Variants in MYOZ3 observed in about 807,000 individuals in gnomAD.
The protein encoded by MYOZ3 is myozenin-3.
In MYOZ3, 19 loss-of-function variants were observed where a neutral mutation model predicts 26.5. The observed-to-expected ratio is 0.72, with a 90% CI of 0.50 to 1.05. The LOEUF (loss-of-function observed/expected upper bound fraction) is 1.05, where lower values mean the gene tolerates loss of function less well. Among genes scored for constraint, MYOZ3 ranks in the 50% least tolerant of loss-of-function variants. MYOZ3 has a pLI of 0.00. For missense variants in MYOZ3, 322 were observed against 337.1 expected, an observed-to-expected ratio of 0.96 and a Z score of 0.35; for synonymous variants, 135 against 138.8, an observed-to-expected ratio of 0.97 and a Z score of 0.19.
rs771588093 is a variant in MYOZ3, at chr5:150,670,614, C to T, written c.192C>T (p.Phe64=). The T allele has an allele frequency of 4.0e-5, 65 of 1,610,260 alleles. No homozygotes were observed. Among genetic ancestry groups the T allele is most frequent in the Non-Finnish European group, 5.3e-5 (62 of 1,177,240 alleles). Residue 64 remains phenylalanine (F), a synonymous_variant, in exon 3 of 7, where the codon TTC becomes TTT. Coordinates refer to ENST00000517768, the MANE Select transcript of MYOZ3 (RefSeq NM_001122853.3). The part of the protein sequence containing the change: ...KRQRRVQKFT[F]ELAASQRAML... ...AGCGCCGTGTGCAGAAGTTCACTTT[C>T]GAGTTAGCAGCCAGCCAGCGGGCGG...
In MYOZ3 at chr5:150,672,380, C is replaced by A; in HGVS notation, c.465C>A (p.Phe155Leu). The change falls in exon 6 of 7, where the codon TTC becomes TTA. Residue 155 changes from phenylalanine (F) to leucine (L), a missense_variant. Physicochemically the swap from Phe to Leu is conservative, Grantham distance 22. Transcript: ENST00000517768. ...TGAAGGGCGTCCCGCCAGAGAAGTT[C>A]AACCACACCGCCATCTCCAAGGGCT... ...EPLKGVPPEK[F>L]NHTAISKGYR... 6.2e-7 allele frequency: 1 copy of A among 1,612,802 alleles called. No homozygotes were observed. Among genetic ancestry groups the A allele is most frequent in the Non-Finnish European group, 8.5e-7 (1 of 1,179,600 alleles).
intron 2 of MYOZ3, 110 bp from the exon 3 acceptor site, chr5:150,670,374 C>T: frequency 8.0e-7 from 1 of 1,251,176 alleles, no homozygotes; most frequent in Non-Finnish European, 1.0e-6. Flanking sequence ...TGTCGGCAAG[C>T]TTGGTGAGAA....
intron 2 of MYOZ3, among the ~76,000 whole-genome samples, chr5:150,668,560 T>A (rs1758843587): frequency 6.6e-6 from 1 of 152,210 alleles, no homozygotes; most frequent in Non-Finnish European, 1.5e-5. Flanking sequence ...TTCTTTATGA[T>A]CTCATCCAGC....
At chr5:150,665,865 A>G (rs562493315) in intron 2 of MYOZ3, among the ~76,000 whole-genome samples, 120 of 152,082 alleles carry the variant, frequency 7.9e-4, no homozygotes, top group Middle Eastern at 3.4e-3. Context: ...GAGAAACCCC[A>G]TCTCTACTAT....
Position 150,677,081 on chromosome 5 carries a change from T to C in MYOZ3, c.*206T>C. Reference sequence around the variant, plus strand: ...GGATGTTGTTCCAAATCCAGACAACTGGACTGTCCCAGACTTGCAGCATCA... The same window carrying C: ...GGATGTTGTTCCAAATCCAGACAACCGGACTGTCCCAGACTTGCAGCATCA... On this transcript the variant is annotated 3_prime_UTR_variant, in exon 7 of 7. Coordinates refer to ENST00000517768, the MANE Select transcript of MYOZ3 (RefSeq NM_001122853.3). The C allele has an allele frequency of 1.8e-6, 1 of 563,360 alleles. No individual in the cohort carries two copies. The highest frequency in any genetic ancestry group is 3.2e-6 in the Non-Finnish European group (1 of 316,962). 34.9% of individuals were successfully genotyped at this position (563,360 alleles called of 1,614,324 possible). A position where few individuals can be genotyped will look rare whatever the true frequency, so the allele number is the denominator to read the frequency against.
intron 2 of MYOZ3, among the ~76,000 whole-genome samples, chr5:150,666,384 C>T (rs1388900261): frequency 7.9e-5 from 12 of 152,010 alleles, no homozygotes; most frequent in Admixed American, 6.6e-4. Context: ...GAGGCTGAGG[C>T]GGGCAGATCA....
At chr5:150,666,940 G>A (rs1758820437) in intron 2 of MYOZ3, among the ~76,000 whole-genome samples, 1 of 151,932 alleles carries the variant, frequency 6.6e-6, no homozygotes, top group African/African-American at 2.4e-5. Context: ...TGTATTCTTA[G>A]TAGAGAAGGG....
At chr5:150,675,385 G>A (rs549250789) in intron 6 of MYOZ3, among the ~76,000 whole-genome samples, 2 of 150,700 alleles carry the variant, frequency 1.3e-5, no homozygotes, top group South Asian at 2.1e-4. Flanking sequence ...TTTTTTTCGC[G>A]GGGTGGAGCA....
intron 2 of MYOZ3, among the ~76,000 whole-genome samples, chr5:150,669,318 C>T (rs936459757): frequency 2.0e-5 from 3 of 151,682 alleles, no homozygotes; most frequent in African/African-American, 4.8e-5. Context: ...CGTGGTGGTG[C>T]GCACCTGTAA....
chr5:150,666,867 C>G (rs1307563223), intron 2 of MYOZ3, among the ~76,000 whole-genome samples: 1 of 151,690 alleles, frequency 6.6e-6, no homozygotes, highest in African/African-American at 2.4e-5. Flanking sequence ...TCAAGTGATT[C>G]TTGTGCCTCA....
Position 150,671,897 on chromosome 5 carries a change from C to A in MYOZ3, c.413C>A (p.Ala138Asp). 1 of 1,553,328 alleles carries A rather than the reference C, an allele frequency of 6.4e-7. No homozygotes were observed. The highest frequency in any genetic ancestry group is 8.7e-7 in the Non-Finnish European group (1 of 1,155,604). The change falls in exon 5 of 7, where the codon GCC (alanine) becomes GAC (aspartate). Residue 138 changes from alanine (A) to aspartate (D), a missense_variant. Ala to Asp is a moderately radical substitution (Grantham distance 126). Coordinates refer to ENST00000517768, the MANE Select transcript of MYOZ3 (RefSeq NM_001122853.3). The stretch of plus-strand genomic sequence containing the variant: ...GCTGGGTGCGTCCCCAGCCCCAGCG[C>A]CCTGGCGCCAGGTGAGTGGCCTCCT... The part of the protein sequence containing the change: ...APAGCVPSPS[A>D]LAPGYAEPLK...
Position 150,671,850 on chromosome 5 carries a change from C to T in MYOZ3, c.366C>T (p.Gly122=), listed in dbSNP as rs1260024846. The part of the protein sequence containing the change: ...SPGASLGGPE[G]AHPAAAPAGC... ...GGGCCTCACTCGGGGGTCCCGAGGG[C>T]GCCCACCCTGCAGCCGCCCCTGCTG... Residue 122 remains glycine (G), a synonymous_variant, in exon 5 of 7, where the codon GGC becomes GGT. Coordinates refer to ENST00000517768, the MANE Select transcript of MYOZ3 (RefSeq NM_001122853.3). The T allele has an allele frequency of 2.5e-6, 4 of 1,605,024 alleles. No individual in the cohort carries two copies. The East Asian group carries it at 9.0e-5, about 36-fold the overall frequency.
intron 1 of MYOZ3, among the ~76,000 whole-genome samples, chr5:150,662,117 A>G (rs896523312): frequency 2.0e-5 from 3 of 152,172 alleles, no homozygotes; most frequent in Admixed American, 1.3e-4. Flanking sequence ...TTCTAAAGGA[A>G]GGAGTATAGG....
chr5:150,671,744 CCT>C lies in MYOZ3; in HGVS notation c.271-10_271-9del, dbSNP rs1561670957. On this transcript the variant is annotated splice_polypyrimidine_tract_variant and intron_variant, in intron 4 of 6. Transcript: ENST00000517768. ...CGTCGGTGGCCTCTGAGAACCCGCC[CCT>C]GTGCCCAGGTTGCCAATGCCAATGG... 3 of 1,613,324 alleles carry C rather than the reference CCT, an allele frequency of 1.9e-6. No homozygotes were observed. The highest frequency in any genetic ancestry group is 2.5e-6 in the Non-Finnish European group (3 of 1,179,950).
intron 6 of MYOZ3, chr5:150,672,861 G>T: frequency 4.1e-6 from 1 of 243,008 alleles, no homozygotes; most frequent in Non-Finnish European, 7.9e-6. Flanking sequence ...TTCAGGTCTG[G>T]GTTTGTCTGA....
chr5:150,676,754 G>T lies in MYOZ3; in HGVS notation c.635G>T (p.Arg212Met). 1 of 1,614,048 alleles carries T rather than the reference G, an allele frequency of 6.2e-7. No homozygotes were observed. The highest frequency in any genetic ancestry group is 1.1e-5 in the South Asian group (1 of 91,078). Residue 212 changes from arginine (R) to methionine (M), a missense_variant, in exon 7 of 7, where the codon AGG becomes ATG. Coordinates refer to ENST00000517768, the MANE Select transcript of MYOZ3 (RefSeq NM_001122853.3). Reference protein sequence around the residue: ...GGPLVGGTFPRPGTPFIPEPL... With the variant: ...GGPLVGGTFPMPGTPFIPEPL... ...CCCCTCGTGGGGGGCACTTTTCCCA[G>T]GCCAGGCACCCCCTTCATCCCGGAG...
chr5:150,671,725 T>C (rs1204140952), intron 4 of MYOZ3, 30 bp from the exon 5 acceptor site: 3 of 1,613,102 alleles, frequency 1.9e-6, no homozygotes, highest in Non-Finnish European at 2.5e-6. Context: ...AGGTCGTCGG[T>C]GGCCTCTGAG....
intron 2 of MYOZ3, among the ~76,000 whole-genome samples, chr5:150,668,779 G>C (rs1581533509): frequency 6.6e-6 from 1 of 152,202 alleles, no homozygotes; most frequent in East Asian, 1.9e-4. Flanking sequence ...ACAAAGGATA[G>C]GGATGGGTCT....
At chr5:150,672,236 A>G (rs1296978818) in intron 5 of MYOZ3, 104 bp from the exon 6 acceptor site, 25 of 1,510,894 alleles carry the variant, frequency 1.7e-5, no homozygotes, top group Non-Finnish European at 2.2e-5. Context: ...CCTAACTCCG[A>G]TCTTCCCTCC....
Sources: gnomAD v4.1 joint callset for allele counts (sites outside exome capture counted in the v4.1 genomes callset) on GRCh38, gnomAD v4.1.1 for gene constraint, MANE v1.5 for transcripts, NCBI Gene and HGNC (gene_info 2026-07-23, HGNC 2026-07-21) for gene names.